EPHA6: variants seen among roughly 807,000 people sequenced by gnomAD.
EPHA6 encodes the protein ephrin type-A receptor 6.
A neutral mutation model predicts 112.0 loss-of-function variants in EPHA6; 50 were observed. The observed-to-expected ratio is 0.45, with a 90% CI of 0.36 to 0.56. EPHA6 has a LOEUF of 0.56. Among genes scored for constraint, EPHA6 ranks in the 20% least tolerant of loss-of-function variants. The pLI is 0.00. For synonymous variants in EPHA6, 529 were observed against 490.7 expected (o/e 1.08, Z -1.03); for missense variants, 1,280 against 1,417.4 (o/e 0.90, Z 1.56).
chr3:96,841,658 C>T (rs922006261), intron 1 of EPHA6, among the ~76,000 whole-genome samples: 1 of 151,938 alleles, frequency 6.6e-6, no homozygotes, highest in African/African-American at 2.4e-5. Context: ...ACCTGTCAGC[C>T]CATAACGGAG....
intron 12 of EPHA6, among the ~76,000 whole-genome samples, chr3:97,610,115 C>A (rs1201344093): frequency 2.6e-5 from 4 of 151,460 alleles, no homozygotes; most frequent in Non-Finnish European, 4.4e-5. Context: ...ATCTTCTATA[C>A]CAGACTACAA....
At chr3:97,731,166 G>A (rs1906064) in intron 15 of EPHA6, among the ~76,000 whole-genome samples, 30,804 of 151,988 alleles carry the variant, frequency 0.2, 3,625 homozygotes, top group East Asian at 0.38. Context: ...TATGAAGGCA[G>A]TAGAATCAGC....
At chr3:97,168,370 A>G (rs2076593017) in intron 3 of EPHA6, among the ~76,000 whole-genome samples, 1 of 151,902 alleles carries the variant, frequency 6.6e-6, no homozygotes, top group African/African-American at 2.4e-5. Context: ...GCCTGGTGGG[A>G]GGTGATTAGA....
intron 5 of EPHA6, among the ~76,000 whole-genome samples, chr3:97,341,571 T>C (rs954480714): frequency 6.6e-6 from 1 of 152,226 alleles, no homozygotes; most frequent in Admixed American, 6.5e-5. Context: ...GCCAGGATGG[T>C]ATCGATCTCC....
chr3:97,712,450 G>C (rs760847461), intron 14 of EPHA6, among the ~76,000 whole-genome samples: 3 of 152,084 alleles, frequency 2.0e-5, no homozygotes, highest in Non-Finnish European at 4.4e-5. Context: ...GAAGTGATAG[G>C]TTGTTTTGAA....
chr3:97,731,513 A>T (rs9881041), intron 15 of EPHA6, among the ~76,000 whole-genome samples: 149,248 of 152,072 alleles, frequency 0.98, 73,259 homozygotes, highest in East Asian at 0.99. Flanking sequence ...GTGGTGCAAG[A>T]CTCAGGACAG....
intron 12 of EPHA6, among the ~76,000 whole-genome samples, chr3:97,596,053 C>T (rs753220006): frequency 6.6e-6 from 1 of 151,770 alleles, no homozygotes; most frequent in Non-Finnish European, 1.5e-5. Context: ...CTACAGGCGC[C>T]CGCCACCGCT....
In EPHA6 at chr3:97,208,526, G is replaced by A. The variant is rs143143413; in HGVS notation, c.1115-17738G>A. ...TTTGGAAGGCCATGGTGGGTGGATT[G>A]CCTGAGCTCAGGAGTTCAAGACCAG... On this transcript the variant is annotated intron_variant, in intron 3 of 17. Transcript: ENST00000389672. 4.4e-3 allele frequency among the ~76,000 whole-genome samples: 667 copies of A among 152,152 alleles called. 5 individuals are homozygous for A. Among genetic ancestry groups the A allele is most frequent in the Non-Finnish European group, 6.4e-3 (433 of 67,976 alleles).
At chr3:97,322,460 C>A (rs936476974) in intron 5 of EPHA6, among the ~76,000 whole-genome samples, 1 of 151,808 alleles carries the variant, frequency 6.6e-6, no homozygotes, top group Non-Finnish European at 1.5e-5. Flanking sequence ...TAGAAGTTAC[C>A]CACTATTCTC....
intron 3 of EPHA6, among the ~76,000 whole-genome samples, chr3:97,169,600 C>T (rs943735566): frequency 6.6e-6 from 1 of 152,080 alleles, no homozygotes; most frequent in African/African-American, 2.4e-5. Flanking sequence ...TATGTCTTCC[C>T]ATTTCATTTG....
chr3:97,437,990 A>G (rs2089942762), intron 6 of EPHA6, among the ~76,000 whole-genome samples: 1 of 152,172 alleles, frequency 6.6e-6, no homozygotes, highest in African/African-American at 2.4e-5. Flanking sequence ...AAATTCTAGT[A>G]AATGATCTAA....
intron 5 of EPHA6, among the ~76,000 whole-genome samples, chr3:97,258,251 T>C (rs6807098): frequency 0.012 from 1,724 of 147,416 alleles, 21 homozygotes; most frequent in African/African-American, 0.03. Context: ...TATATATATA[T>C]ACACACACAC....
chr3:97,447,471 C>T (rs1201457634), intron 6 of EPHA6, among the ~76,000 whole-genome samples: 2 of 152,246 alleles, frequency 1.3e-5, no homozygotes, highest in Non-Finnish European at 2.9e-5. Flanking sequence ...TGGAAATTAA[C>T]TTGAGGGCCT....
At chr3:96,974,012 TA>T (rs951141545) in intron 2 of EPHA6, among the ~76,000 whole-genome samples, 8 of 145,184 alleles carry the variant, frequency 5.5e-5, no homozygotes, top group African/African-American at 2.0e-4. Flanking sequence ...GTATATTTAA[TA>T]AAATATATAA....
chr3:97,261,299 A>C (rs1368322180), intron 5 of EPHA6, among the ~76,000 whole-genome samples: 3 of 152,192 alleles, frequency 2.0e-5, no homozygotes, highest in Non-Finnish European at 4.4e-5. Context: ...ATTCATTAGA[A>C]TCTTGGTACC....
intron 10 of EPHA6, among the ~76,000 whole-genome samples, chr3:97,498,815 G>C (rs1375755156): frequency 6.6e-6 from 1 of 152,138 alleles, no homozygotes; most frequent in African/African-American, 2.4e-5. Flanking sequence ...AATGCCTGAT[G>C]ATCTGAAATA....
intron 3 of EPHA6, among the ~76,000 whole-genome samples, chr3:97,168,152 A>G (rs2076586648): frequency 6.6e-6 from 1 of 152,190 alleles, no homozygotes; most frequent in Non-Finnish European, 1.5e-5. Context: ...CATAATGGAA[A>G]ATATCAATTG....
intron 4 of EPHA6, among the ~76,000 whole-genome samples, chr3:97,227,812 A>C (rs2078405132): frequency 6.6e-6 from 1 of 152,212 alleles, no homozygotes; most frequent in African/African-American, 2.4e-5. Context: ...TCTGATGTCA[A>C]AAGGTGAAGC....
At chr3:97,487,669 T>C (rs1224630296) in intron 10 of EPHA6, among the ~76,000 whole-genome samples, 1 of 152,214 alleles carries the variant, frequency 6.6e-6, no homozygotes, top group Non-Finnish European at 1.5e-5. Flanking sequence ...ATAAGTTTTC[T>C]AGGGTACTTT....
Sources: gnomAD v4.1 joint callset for allele counts (sites outside exome capture counted in the v4.1 genomes callset) on GRCh38, gnomAD v4.1.1 for gene constraint, MANE v1.5 for transcripts, NCBI Gene and HGNC (gene_info 2026-07-23, HGNC 2026-07-21) for gene names.